The following BCKDHB variants were observed in gnomAD, a reference collection of about 807,000 sequenced individuals.
BCKDHB encodes the protein 2-oxoisovalerate dehydrogenase subunit beta, mitochondrial.
In BCKDHB, 41 loss-of-function variants were observed where a neutral mutation model predicts 48.5. That is an observed-to-expected ratio of 0.85 (90% confidence interval 0.66 to 1.10). The LOEUF (loss-of-function observed/expected upper bound fraction) is 1.10, where lower values mean the gene tolerates loss of function less well. Among genes scored for constraint, BCKDHB ranks in the 50% least tolerant of loss-of-function variants. The probability of loss-of-function intolerance (pLI) is 0.00; values close to 1 mark genes in which losing one functional copy is unlikely to be tolerated. For missense variants in BCKDHB, 496 were observed against 494.2 expected, an observed-to-expected ratio of 1.00 and a Z score of -0.03; for synonymous variants, 201 against 174.8, an observed-to-expected ratio of 1.15 and a Z score of -1.18.
chr6:80,334,746 T>G (rs1288395659), intron 9 of BCKDHB, among the ~76,000 whole-genome samples: 2 of 152,042 alleles, frequency 1.3e-5, no homozygotes, highest in African/African-American at 4.8e-5. Flanking sequence ...TTTTTATGTT[T>G]AGCAAGTCCT....
intron 8 of BCKDHB, among the ~76,000 whole-genome samples, chr6:80,211,287 C>A (rs551940027): frequency 6.6e-6 from 1 of 152,098 alleles, no homozygotes; most frequent in Non-Finnish European, 1.5e-5. Flanking sequence ...AAGAATTTGC[C>A]TTTATACCGT....
intron 6 of BCKDHB, among the ~76,000 whole-genome samples, chr6:80,181,420 G>A (rs559523394): frequency 6.6e-6 from 1 of 152,180 alleles, no homozygotes; most frequent in South Asian, 2.1e-4. Flanking sequence ...TGCTTAACAG[G>A]CCACTCCTGA....
chr6:80,200,968 A>T lies in BCKDHB; in HGVS notation c.777A>T (p.Pro259=). The T allele has an allele frequency of 1.2e-6, 2 of 1,612,292 alleles. No homozygotes were observed. Among genetic ancestry groups the T allele is most frequent in the Non-Finnish European group, 1.7e-6 (2 of 1,179,062 alleles). ...TCCCTATAGAACCATACAACATCCC[A>T]CTGTCCCAGGCCGAAGTCATACAGG... is the stretch of plus-strand genomic sequence containing the variant. ...EEVPIEPYNI[P]LSQAEVIQEG... Residue 259 remains proline (P), a synonymous_variant, in exon 7 of 10, where the codon CCA becomes CCT. Coordinates refer to ENST00000320393, the MANE Select transcript of BCKDHB (RefSeq NM_183050.4).
At chr6:80,119,277 G>A (rs1769878061) in intron 1 of BCKDHB, among the ~76,000 whole-genome samples, 1 of 152,080 alleles carries the variant, frequency 6.6e-6, no homozygotes, top group Non-Finnish European at 1.5e-5. Context: ...TCATCCATGA[G>A]GGTTGAAATC....
chr6:80,133,918 C>G (rs1770754535), intron 3 of BCKDHB, among the ~76,000 whole-genome samples: 1 of 152,160 alleles, frequency 6.6e-6, no homozygotes, highest in South Asian at 2.1e-4. Context: ...GCTGGGATTA[C>G]AGGCGTGAGC....
At chr6:80,378,526 G>A in the BCKDHB span, among the ~76,000 whole-genome samples, 3 of 151,932 alleles carry the variant, frequency 2.0e-5, no homozygotes, top group Admixed American at 2.0e-4. Context: ...TGTGATAAGT[G>A]TCCACCAACC....
intron 3 of BCKDHB, among the ~76,000 whole-genome samples, chr6:80,136,532 T>C (rs1305687969): frequency 6.6e-6 from 1 of 152,138 alleles, no homozygotes; most frequent in Non-Finnish European, 1.5e-5. Context: ...AAAAGCTTCG[T>C]GAAATTGGAT....
chr6:80,396,818 G>A, the BCKDHB span, among the ~76,000 whole-genome samples: 3 of 152,130 alleles, frequency 2.0e-5, no homozygotes, highest in Non-Finnish European at 4.4e-5. Context: ...GTTTCCTGAG[G>A]CCTTCCAAGC....
chr6:80,343,700 A>G lies in BCKDHB; in HGVS notation c.1075A>G (p.Arg359Gly). The change falls in exon 10 of 10, where the codon AGA becomes GGA. Residue 359 changes from arginine (R) to glycine (G), a missense_variant. By Grantham distance (125) the Arg-to-Gly change is moderately radical. Coordinates refer to ENST00000320393, the MANE Select transcript of BCKDHB (RefSeq NM_183050.4). ...CFLNLEAPIS[R>G]VCGYDTPFPH... ...CTTGAACCTAGAGGCTCCTATATCA[A>G]GAGTATGTGGTTATGACACACCATT... 1.2e-6 allele frequency: 2 copies of G among 1,614,044 alleles called. No homozygotes were observed. The highest frequency in any genetic ancestry group is 8.5e-7 in the Non-Finnish European group (1 of 1,179,962).
At chr6:80,382,620 G>A in the BCKDHB span, among the ~76,000 whole-genome samples, 1 of 151,982 alleles carries the variant, frequency 6.6e-6, no homozygotes. Flanking sequence ...CACTCTGCAG[G>A]GGATTGATTA....
chr6:80,323,856 T>C (rs1318926836), intron 9 of BCKDHB, among the ~76,000 whole-genome samples: 1 of 152,078 alleles, frequency 6.6e-6, no homozygotes, highest in Non-Finnish European at 1.5e-5. Flanking sequence ...CACTGCAAGC[T>C]CCGCCCCCCG....
At chr6:80,422,234 G>C in the BCKDHB span, among the ~76,000 whole-genome samples, 193 of 152,328 alleles carry the variant, frequency 1.3e-3, 2 homozygotes, top group African/African-American at 4.4e-3. Flanking sequence ...CAAACCCAAA[G>C]CCTTGTTGGC....
chr6:80,175,313 C>T (rs1321349826), intron 6 of BCKDHB, among the ~76,000 whole-genome samples: 2 of 152,096 alleles, frequency 1.3e-5, no homozygotes, highest in African/African-American at 4.8e-5. Flanking sequence ...TGGCCATGAC[C>T]ACACCTAACC....
the BCKDHB span, among the ~76,000 whole-genome samples, chr6:80,406,078 T>G: frequency 1.3e-5 from 2 of 152,186 alleles, no homozygotes; most frequent in African/African-American, 4.8e-5. Flanking sequence ...GTGCAGTGTT[T>G]TGTTTTCTAT....
intron 9 of BCKDHB, among the ~76,000 whole-genome samples, chr6:80,295,497 C>T (rs188977553): frequency 3.0e-4 from 45 of 152,026 alleles, no homozygotes; most frequent in Admixed American, 4.6e-4. Context: ...TACCTCCCAC[C>T]GGATCTCTCC....
At chr6:80,365,317 G>A in the BCKDHB span, among the ~76,000 whole-genome samples, 4 of 152,146 alleles carry the variant, frequency 2.6e-5, no homozygotes, top group Non-Finnish European at 4.4e-5. Context: ...CCAGGGCAGA[G>A]TTTTTCCCCA....
intron 8 of BCKDHB, among the ~76,000 whole-genome samples, chr6:80,215,629 T>C (rs530070860): frequency 1.3e-5 from 2 of 152,340 alleles, no homozygotes; most frequent in South Asian, 2.1e-4. Flanking sequence ...AGGAAGAAAA[T>C]ACACTGAGAT....
chr6:80,359,008 A>G, the BCKDHB span, among the ~76,000 whole-genome samples: 1 of 152,218 alleles, frequency 6.6e-6, no homozygotes, highest in Non-Finnish European at 1.5e-5. Flanking sequence ...GTTAGTGTGT[A>G]CATGAGAGGA....
the BCKDHB span, among the ~76,000 whole-genome samples, chr6:80,443,070 G>C: frequency 9.2e-5 from 14 of 152,256 alleles, no homozygotes; most frequent in East Asian, 2.3e-3. Flanking sequence ...CAGAAAGGCT[G>C]ATGAAATCAG....
Sources: gnomAD v4.1 joint callset for allele counts (sites outside exome capture counted in the v4.1 genomes callset) on GRCh38, gnomAD v4.1.1 for gene constraint, MANE v1.5 for transcripts, NCBI Gene and HGNC (gene_info 2026-07-23, HGNC 2026-07-21) for gene names.